Variants in NGLY1 observed in about 807,000 individuals in gnomAD.
NGLY1 encodes N-glycanase 1.
Under a neutral mutation model 84.6 loss-of-function variants are expected in NGLY1, and 68 were observed. The observed-to-expected ratio is 0.80, with a 90% CI of 0.66 to 0.98. The LOEUF is 0.98. Among genes scored for constraint, NGLY1 ranks in the 50% least tolerant of loss-of-function variants. The probability of loss-of-function intolerance (pLI) is 0.00; values close to 1 mark genes in which losing one functional copy is unlikely to be tolerated. For missense variants in NGLY1, 779 were observed against 770.2 expected (o/e 1.01, Z -0.14); for synonymous variants, 280 against 275.2 (o/e 1.02, Z -0.17).
At chr3:25,749,563 G>A in intron 4 of NGLY1, 1 of 1,548,776 alleles carries the variant, frequency 6.5e-7, no homozygotes, top group Non-Finnish European at 8.8e-7. Flanking sequence ...GCACCAGTCT[G>A]ACTGATATGT....
intron 6 of NGLY1, chr3:25,736,560 C>A: frequency 2.0e-6 from 1 of 497,376 alleles, no homozygotes. Flanking sequence ...TCAATACATG[C>A]TTTATATTTG....
upstream of NGLY1, chr3:25,783,952 C>G (rs66927313): frequency 6.6e-6 from 1 of 152,036 alleles, no homozygotes; most frequent in Non-Finnish European, 1.5e-5. The surrounding 1 kb of genome is among the most constrained non-coding windows in gnomAD (Gnocchi z 4.5). Flanking sequence ...AAACCCGGAT[C>G]CCTTTGCGCT....
At chr3:25,749,680 A>C in intron 4 of NGLY1, 1 of 1,575,466 alleles carries the variant, frequency 6.3e-7, no homozygotes, top group Non-Finnish European at 8.6e-7. Context: ...GGAGCAACAA[A>C]AAAACAAAGC....
intron 3 of NGLY1, among the ~76,000 whole-genome samples, chr3:25,756,272 A>G (rs1017569257): frequency 2.6e-5 from 4 of 152,152 alleles, no homozygotes; most frequent in Non-Finnish European, 5.9e-5. Context: ...TTGTTCTTAA[A>G]TGTAAAAGGC....
chr3:25,749,624 C>A, intron 4 of NGLY1: 1 of 1,460,316 alleles, frequency 6.8e-7, no homozygotes, highest in Non-Finnish European at 9.5e-7. Context: ...CGACAGGGTT[C>A]ATAGAAGGTT....
intron 3 of NGLY1, chr3:25,755,689 G>C: frequency 7.1e-7 from 1 of 1,410,166 alleles, no homozygotes; most frequent in Non-Finnish European, 9.8e-7. Context: ...AGGAATTATA[G>C]TCTAGTCTAG....
intron 4 of NGLY1, among the ~76,000 whole-genome samples, chr3:25,742,808 G>A (rs1053829737): frequency 9.1e-5 from 13 of 142,724 alleles, no homozygotes; most frequent in East Asian, 4.2e-4. Flanking sequence ...GCTCCCCGTC[G>A]TAGGCTAAAA....
intron 1 of NGLY1, among the ~76,000 whole-genome samples, chr3:25,782,524 C>G (rs1232668520): frequency 3.9e-5 from 6 of 152,140 alleles, no homozygotes; most frequent in Non-Finnish European, 8.8e-5. Flanking sequence ...TTCCCAAAAT[C>G]TGCAAGGTCC....
chr3:25,725,278 G>A (rs1705192497), intron 10 of NGLY1, among the ~76,000 whole-genome samples: 1 of 152,236 alleles, frequency 6.6e-6, no homozygotes, highest in African/African-American at 2.4e-5. Context: ...AACTTCTGGA[G>A]AGCTGATCAC....
At chr3:25,750,842 GACCCCCACC>G (rs1463419521) in intron 4 of NGLY1, among the ~76,000 whole-genome samples, 1 of 152,020 alleles carries the variant, frequency 6.6e-6, no homozygotes, top group Non-Finnish European at 1.5e-5. Flanking sequence ...TTGGTTCCAG[GACCCCCACC>G]TATACCAGAA....
At chr3:25,783,474 G>C, upstream of NGLY1, 2 of 1,326,246 alleles carry the variant, frequency 1.5e-6, no homozygotes, top group South Asian at 4.0e-5. The surrounding 1 kb of genome is among the most constrained non-coding windows in gnomAD (Gnocchi z 4.5). Flanking sequence ...AGCAGCTACC[G>C]CAGCCACCGG....
chr3:25,776,199 G>T (rs972963335), intron 2 of NGLY1, among the ~76,000 whole-genome samples: 1 of 152,300 alleles, frequency 6.6e-6, no homozygotes, highest in Non-Finnish European at 1.5e-5. Context: ...GACCAACACT[G>T]GTTTGCCTGA....
chr3:25,766,585 C>T (rs981078963), intron 2 of NGLY1, among the ~76,000 whole-genome samples: 3 of 152,166 alleles, frequency 2.0e-5, no homozygotes, highest in Non-Finnish European at 4.4e-5. Context: ...ACGACTGGCA[C>T]AAATTGTAAC....
intron 7 of NGLY1, 147 bp from the exon 8 acceptor site, chr3:25,734,129 T>C (rs1705697847): frequency 9.4e-7 from 1 of 1,060,168 alleles, no homozygotes; most frequent in Non-Finnish European, 1.3e-6. Flanking sequence ...TGCAGTGGCG[T>C]GATCTCAGCT....
At chr3:25,749,509 G>C in intron 4 of NGLY1, 1 of 1,578,996 alleles carries the variant, frequency 6.3e-7, no homozygotes, top group South Asian at 1.1e-5. Context: ...CAGACCCCTT[G>C]TGAAGCCCAA....
chr3:25,763,899 C>T lies in NGLY1; in HGVS notation c.492+167G>A, dbSNP rs2101477. Among the ~76,000 whole-genome samples, 152,203 of 152,320 alleles carry T rather than the reference C, an allele frequency of 1. 76,043 individuals carry two copies. The highest frequency in any genetic ancestry group is 1 in the Middle Eastern group (294 of 294). Reference sequence around the variant, plus strand: ...GAAGTATTAATGCAGTAGAGGAAATCTGACAATTTTTTAAAGAGCTGAAGA... The same window carrying T: ...GAAGTATTAATGCAGTAGAGGAAATTTGACAATTTTTTAAAGAGCTGAAGA... On this transcript the variant is annotated intron_variant, in intron 3 of 11. Coordinates refer to ENST00000280700, the MANE Select transcript of NGLY1 (RefSeq NM_018297.4).
chr3:25,757,028 A>G (rs1707073770), intron 3 of NGLY1, among the ~76,000 whole-genome samples: 1 of 152,204 alleles, frequency 6.6e-6, no homozygotes. Context: ...TGTAAAATAA[A>G]TGTTCATATC....
intron 2 of NGLY1, 59 bp from the exon 3 acceptor site, chr3:25,764,370 T>C: frequency 2.0e-6 from 3 of 1,533,842 alleles, no homozygotes; most frequent in East Asian, 2.2e-5. Flanking sequence ...CATTCTTTTG[T>C]GCACACACAC....
chr3:25,745,576 A>T (rs1354608974), intron 4 of NGLY1, among the ~76,000 whole-genome samples: 1 of 152,168 alleles, frequency 6.6e-6, no homozygotes, highest in Non-Finnish European at 1.5e-5. Flanking sequence ...TCTTCCTTAT[A>T]TATACATGAT....
Sources: allele counts gnomAD v4.1 joint callset (sites outside exome capture counted in the v4.1 genomes callset), GRCh38; gene constraint gnomAD v4.1.1; non-coding constraint Gnocchi (gnomAD v3.1); transcripts MANE v1.5; gene names NCBI Gene and HGNC (gene_info 2026-07-23, HGNC 2026-07-21).